The following VOPP1 variants were observed in gnomAD, a reference collection of about 807,000 sequenced individuals.
VOPP1 encodes WW domain binding protein VOPP1.
Under a neutral mutation model 23.5 loss-of-function variants are expected in VOPP1, and 8 were observed. The observed-to-expected ratio is 0.34, with a 90% CI of 0.20 to 0.61. The LOEUF is 0.61. Ranked by LOEUF, VOPP1 falls within the 20% of genes least tolerant of loss-of-function variation. The pLI, the probability that VOPP1 is intolerant of heterozygous loss-of-function variation, is 0.78. For missense variants in VOPP1, 174 were observed against 238.1 expected, an observed-to-expected ratio of 0.73 and a Z score of 1.77; for synonymous variants, 83 against 97.3, an observed-to-expected ratio of 0.85 and a Z score of 0.86.
intron 4 of VOPP1, among the ~76,000 whole-genome samples, chr7:55,447,309 C>T (rs1428780401): frequency 6.6e-6 from 1 of 152,186 alleles, no homozygotes; most frequent in African/African-American, 2.4e-5. Context: ...GGCACAATAC[C>T]TCCCTGCGCT....
chr7:55,557,811 G>C (rs1797859948), intron 1 of VOPP1, among the ~76,000 whole-genome samples: 1 of 152,256 alleles, frequency 6.6e-6, no homozygotes, highest in Non-Finnish European at 1.5e-5. Context: ...ATGGAAGGTG[G>C]AGCAAATGAG....
intron 4 of VOPP1, among the ~76,000 whole-genome samples, chr7:55,440,160 C>A (rs1790929136): frequency 6.6e-6 from 1 of 152,186 alleles, no homozygotes; most frequent in African/African-American, 2.4e-5. Flanking sequence ...CTTTTTCCTG[C>A]ATGTGGGCTC....
At position 55,473,112 on chromosome 7, in the gene VOPP1, G is replaced by C; in HGVS notation, c.329-67C>G. ...CCCATCACACCGCAAGTATGTGCAG[G>C]CTGCAGGGCCAGCAGACCACGCCCC... is the stretch of plus-strand genomic sequence containing the variant. On this transcript the variant is annotated intron_variant, in intron 4 of 4. Transcript: ENST00000285279. The C allele has an allele frequency of 3.2e-6, 5 of 1,545,320 alleles. No homozygotes were observed. The South Asian group carries it at 5.0e-5, about 16-fold the overall frequency.
At chr7:55,444,784 TAAC>T (rs1004819891) in intron 4 of VOPP1, among the ~76,000 whole-genome samples, 9 of 152,126 alleles carry the variant, frequency 5.9e-5, no homozygotes, top group African/African-American at 2.2e-4. Context: ...ACAAAACTCT[TAAC>T]AAGAGATTTT....
chr7:55,559,665 T>G (rs906664384), intron 1 of VOPP1, among the ~76,000 whole-genome samples: 3 of 152,204 alleles, frequency 2.0e-5, no homozygotes, highest in African/African-American at 7.2e-5. Flanking sequence ...CTGGGGTGAC[T>G]AGCTATTAAT....
chr7:55,540,147 C>A (rs943686044), intron 1 of VOPP1, among the ~76,000 whole-genome samples: 69 of 152,152 alleles, frequency 4.5e-4, no homozygotes, highest in African/African-American at 1.6e-3. Flanking sequence ...CGCCTGTAAT[C>A]CCAGCACTTT....
At chr7:55,542,013 C>A (rs1220498299) in intron 1 of VOPP1, among the ~76,000 whole-genome samples, 1 of 152,180 alleles carries the variant, frequency 6.6e-6, no homozygotes, top group Non-Finnish European at 1.5e-5. Flanking sequence ...CCCTGTGACT[C>A]TATCAAAAAT....
chr7:55,539,092 C>T (rs1193639612), intron 1 of VOPP1, among the ~76,000 whole-genome samples: 4 of 151,710 alleles, frequency 2.6e-5, no homozygotes, highest in African/African-American at 9.7e-5. Flanking sequence ...GCCTGTAATC[C>T]CAGCACTTTG....
intron 1 of VOPP1, among the ~76,000 whole-genome samples, chr7:55,547,649 T>C (rs528683686): frequency 4.6e-5 from 7 of 152,266 alleles, no homozygotes; most frequent in African/African-American, 1.4e-4. Flanking sequence ...TAGCTACCAA[T>C]AGACATGTTT....
intron 2 of VOPP1, among the ~76,000 whole-genome samples, chr7:55,517,434 C>T (rs1293977160): frequency 6.6e-6 from 1 of 152,070 alleles, no homozygotes; most frequent in Non-Finnish European, 1.5e-5. Context: ...GAAGTGCAGC[C>T]ATCACCATCC....
intron 2 of VOPP1, among the ~76,000 whole-genome samples, chr7:55,504,462 A>G (rs142398251): frequency 1.3e-5 from 2 of 152,210 alleles, no homozygotes; most frequent in African/African-American, 4.8e-5. Flanking sequence ...GCAGAGGAAG[A>G]CTCGGTCCTT....
intron 1 of VOPP1, chr7:55,539,716 G>A (rs979856851): frequency 1.3e-5 from 2 of 152,240 alleles, no homozygotes; most frequent in African/African-American, 4.8e-5. Flanking sequence ...GCATGCTGAA[G>A]GGAGACTGCC....
chr7:55,546,891 A>G (rs530086987), intron 1 of VOPP1, among the ~76,000 whole-genome samples: 1 of 152,366 alleles, frequency 6.6e-6, no homozygotes, highest in African/African-American at 2.4e-5. Flanking sequence ...ACCAACAGGA[A>G]GCACCTCCAC....
intron 2 of VOPP1, among the ~76,000 whole-genome samples, chr7:55,510,617 C>T (rs964229353): frequency 2.4e-4 from 35 of 146,154 alleles, no homozygotes; most frequent in Non-Finnish European, 4.9e-4. Flanking sequence ...CTTAACCACT[C>T]AGTCAGTACT....
chr7:55,494,062 T>G (rs1793769677), intron 3 of VOPP1, among the ~76,000 whole-genome samples: 1 of 151,942 alleles, frequency 6.6e-6, no homozygotes, highest in African/African-American at 2.4e-5. Context: ...CCGGAGAAGG[T>G]GGGAGCAGGA....
chr7:55,562,171 C>G, intron 1 of VOPP1: 1 of 684,982 alleles, frequency 1.5e-6, no homozygotes, highest in Non-Finnish European at 2.7e-6. Context: ...ATACTGAAAG[C>G]TTTCCAAGGG....
At chr7:55,448,583 CCAGGGACT>C (rs1344594696) in intron 4 of VOPP1, among the ~76,000 whole-genome samples, 1 of 151,924 alleles carries the variant, frequency 6.6e-6, no homozygotes, top group Non-Finnish European at 1.5e-5. Flanking sequence ...ACGCAGTCAG[CCAGGGACT>C]CAGGCTCCGT....
At chr7:55,458,639 AT>A (rs1264038456) in intron 4 of VOPP1, among the ~76,000 whole-genome samples, 6 of 151,896 alleles carry the variant, frequency 4.0e-5, no homozygotes, top group African/African-American at 1.5e-4. Context: ...GATCCGAGGT[AT>A]TTTATCTTTT....
At chr7:55,552,017 T>G (rs1247720354) in intron 1 of VOPP1, among the ~76,000 whole-genome samples, 3 of 110,906 alleles carry the variant, frequency 2.7e-5, no homozygotes, top group African/African-American at 1.2e-4. Context: ...AGTGAGACTG[T>G]GTCCAAAAAA....
Sources: gnomAD v4.1 joint callset for allele counts (sites outside exome capture counted in the v4.1 genomes callset) on GRCh38, gnomAD v4.1.1 for gene constraint, MANE v1.5 for transcripts, NCBI Gene and HGNC (gene_info 2026-07-23, HGNC 2026-07-21) for gene names.